The following PCDH9 variants were observed in gnomAD, a reference collection of about 807,000 sequenced individuals.
PCDH9 encodes protocadherin-9.
A neutral mutation model predicts 70.6 loss-of-function variants in PCDH9; 24 were observed. That is an observed-to-expected ratio of 0.34 (90% CI 0.25 to 0.48). The LOEUF is 0.48. PCDH9 is among the 20% of genes least tolerant of loss of function. The probability of loss-of-function intolerance (pLI) is 0.99; values close to 1 mark genes in which losing one functional copy is unlikely to be tolerated. For missense variants in PCDH9, 1,281 were observed against 1,503.6 expected (o/e 0.85, Z 2.45); for synonymous variants, 562 against 558.5 (o/e 1.01, Z -0.09).
At chr13:66,365,077 TCACACAAATGAA>T (rs1224651207) in intron 4 of PCDH9, among the ~76,000 whole-genome samples, 19 of 152,182 alleles carry the variant, frequency 1.2e-4, no homozygotes, top group African/African-American at 3.9e-4. Context: ...TAAAAGAAAG[TCACACAAATGAA>T]CTTAATTTAT....
At chr13:66,788,243 T>C (rs2080109589) in intron 3 of PCDH9, among the ~76,000 whole-genome samples, 1 of 152,208 alleles carries the variant, frequency 6.6e-6, no homozygotes, top group Non-Finnish European at 1.5e-5. Context: ...GCCCTTTTTA[T>C]AATGGCATTA....
intron 3 of PCDH9, among the ~76,000 whole-genome samples, chr13:66,683,342 T>C (rs1384675864): frequency 6.6e-6 from 1 of 152,194 alleles, no homozygotes; most frequent in East Asian, 1.9e-4. Flanking sequence ...AATGGAGACA[T>C]CTAATACCAC....
intron 3 of PCDH9, among the ~76,000 whole-genome samples, chr13:66,653,136 G>C (rs768641419): frequency 6.6e-6 from 1 of 152,054 alleles, no homozygotes; most frequent in Non-Finnish European, 1.5e-5. Context: ...AGCAAAAATA[G>C]ACAAATGAGA....
chr13:66,622,051 C>T (rs554565461), intron 4 of PCDH9, among the ~76,000 whole-genome samples: 70 of 152,350 alleles, frequency 4.6e-4, no homozygotes, highest in African/African-American at 1.6e-3. Flanking sequence ...AGCAGCCGGC[C>T]GGCCCTGTTG....
chr13:66,744,876 A>C (rs2079334397), intron 3 of PCDH9, among the ~76,000 whole-genome samples: 2 of 152,296 alleles, frequency 1.3e-5, no homozygotes, highest in Admixed American at 1.3e-4. Flanking sequence ...TCCAGGAATA[A>C]AACAAGATTA....
intron 3 of PCDH9, among the ~76,000 whole-genome samples, chr13:66,821,503 T>A (rs1374156605): frequency 1.3e-5 from 2 of 152,178 alleles, no homozygotes; most frequent in Non-Finnish European, 2.9e-5. Context: ...ACATATCTCC[T>A]ACCAAGTACT....
chr13:67,015,072 T>C (rs140272551), intron 2 of PCDH9, among the ~76,000 whole-genome samples: 1 of 152,146 alleles, frequency 6.6e-6, no homozygotes, highest in Non-Finnish European at 1.5e-5. Context: ...GGATACTCCA[T>C]ATTTGTAACG....
At chr13:66,747,105 G>A (rs910285709) in intron 3 of PCDH9, among the ~76,000 whole-genome samples, 1 of 152,092 alleles carries the variant, frequency 6.6e-6, no homozygotes, top group Non-Finnish European at 1.5e-5. Context: ...TAATCCCAGC[G>A]CCTTGGGAGG....
intron 4 of PCDH9, among the ~76,000 whole-genome samples, chr13:66,508,829 T>C (rs1173111735): frequency 6.6e-6 from 1 of 152,232 alleles, no homozygotes; most frequent in Non-Finnish European, 1.5e-5. Context: ...ATTTGAAAGC[T>C]ACTTTCTTTT....
intron 3 of PCDH9, among the ~76,000 whole-genome samples, chr13:66,653,946 C>A (rs538864403): frequency 7.8e-6 from 1 of 127,486 alleles, no homozygotes; most frequent in African/African-American, 2.9e-5. Context: ...CCAGCCTGGG[C>A]GACAAAGCGA....
intron 3 of PCDH9, among the ~76,000 whole-genome samples, chr13:66,660,814 A>G (rs558576713): frequency 6.6e-6 from 1 of 152,166 alleles, no homozygotes; most frequent in Non-Finnish European, 1.5e-5. Flanking sequence ...TAAAATAATC[A>G]ATCCCATTTT....
At chr13:67,203,900 T>A (rs774090640) in intron 2 of PCDH9, 1 of 151,904 alleles carries the variant, frequency 6.6e-6, no homozygotes, top group African/African-American at 2.4e-5. Flanking sequence ...TAGTAGAAAA[T>A]GTTGCCATAA....
rs570437261 is a variant in PCDH9 at position 66,424,507 on chromosome 13, C to T, written c.3341-119479G>A. Among the ~76,000 whole-genome samples, 3 of 151,990 alleles carry T rather than the reference C, an allele frequency of 2.0e-5. No homozygotes were observed. In the South Asian group the frequency reaches 6.2e-4, roughly 31 times the overall value. ...CCTGCATGGATGGCATTCTTTAACC[C>T]TAAAACTTCATCATCTATATGTGCA... On this transcript the variant is annotated intron_variant, in intron 4 of 4. Transcript: ENST00000377865.
intron 3 of PCDH9, among the ~76,000 whole-genome samples, chr13:66,760,740 G>A (rs1158764369): frequency 4.6e-5 from 7 of 152,218 alleles, no homozygotes; most frequent in East Asian, 1.9e-4. Context: ...TTGCAAAAGC[G>A]AATAGGAGAA....
chr13:66,668,999 A>G (rs1207016387), intron 3 of PCDH9, among the ~76,000 whole-genome samples: 1 of 152,192 alleles, frequency 6.6e-6, no homozygotes, highest in Non-Finnish European at 1.5e-5. Flanking sequence ...GCACCTAAAT[A>G]TGAGATTTAT....
At chr13:66,505,949 A>C (rs928419590) in intron 4 of PCDH9, among the ~76,000 whole-genome samples, 1 of 152,176 alleles carries the variant, frequency 6.6e-6, no homozygotes, top group African/African-American at 2.4e-5. Flanking sequence ...CGCCCAACTC[A>C]AAGTCTATTC....
intron 3 of PCDH9, among the ~76,000 whole-genome samples, chr13:66,731,789 T>C (rs893477567): frequency 2.0e-5 from 3 of 152,116 alleles, no homozygotes; most frequent in Non-Finnish European, 2.9e-5. Flanking sequence ...ACATTCTATT[T>C]ATCAACAAAT....
At chr13:66,472,376 C>T (rs1958637267) in intron 4 of PCDH9, among the ~76,000 whole-genome samples, 1 of 92,592 alleles carries the variant, frequency 1.1e-5, no homozygotes. Flanking sequence ...TTGAGACCAG[C>T]CTGGGCAACT....
chr13:66,697,682 C>A (rs1012227938), intron 3 of PCDH9, among the ~76,000 whole-genome samples: 5 of 152,116 alleles, frequency 3.3e-5, no homozygotes, highest in African/African-American at 4.8e-5. Flanking sequence ...CTATCACTCC[C>A]AGTCACAGCA....
Sources: gnomAD v4.1 joint callset for allele counts (sites outside exome capture counted in the v4.1 genomes callset) on GRCh38, gnomAD v4.1.1 for gene constraint, MANE v1.5 for transcripts, NCBI Gene and HGNC (gene_info 2026-07-23, HGNC 2026-07-21) for gene names.